DPP6: variants seen among roughly 807,000 people sequenced by gnomAD.
DPP6 encodes dipeptidyl peptidase like 6.
In DPP6, 69 loss-of-function variants were observed where a neutral mutation model predicts 122.6. That is an observed-to-expected ratio of 0.56 (90% CI 0.46 to 0.69). The LOEUF (loss-of-function observed/expected upper bound fraction) is 0.69, where lower values mean the gene tolerates loss of function less well. Among genes scored for constraint, DPP6 ranks in the 30% least tolerant of loss-of-function variants. The pLI is 0.00. For synonymous variants in DPP6, 418 were observed against 433.1 expected (o/e 0.97, Z 0.43); for missense variants, 928 against 1,116.9 (o/e 0.83, Z 2.41).
chr7:153,765,257 C>A, the DPP6 span, among the ~76,000 whole-genome samples: 4 of 152,078 alleles, frequency 2.6e-5, no homozygotes, highest in Non-Finnish European at 5.9e-5. Flanking sequence ...GGTGCCCGGG[C>A]CGGGTGTGGT....
chr7:153,751,592 T>C, the DPP6 span, among the ~76,000 whole-genome samples: 1 of 151,136 alleles, frequency 6.6e-6, no homozygotes, highest in African/African-American at 2.4e-5. Flanking sequence ...GAGCCACTGG[T>C]CCTGAGAGGA....
intron 4 of DPP6, 98 bp from the exon 5 acceptor site, chr7:154,566,744 T>C (rs1830776038): frequency 3.0e-6 from 2 of 675,460 alleles, no homozygotes; most frequent in Non-Finnish European, 5.1e-6. Flanking sequence ...TAATAGCTAA[T>C]TAATTTTGAA....
chr7:154,374,832 G>T lies in DPP6; in HGVS notation c.244-71382G>T, dbSNP rs906025750. On this transcript the variant is annotated intron_variant, in intron 1 of 25. Transcript: ENST00000377770. ...TCACCATGTTGGCCAGGCTGGTCTC[G>T]AACTCCTGAACTCAGGTGATCTGCC... Among the ~76,000 whole-genome samples, 3 of 151,968 alleles carry T rather than the reference G, an allele frequency of 2.0e-5. No homozygotes were observed. The South Asian group carries it at 6.2e-4, about 32-fold the overall frequency.
chr7:154,886,636 G>A (rs1400240160), intron 22 of DPP6, among the ~76,000 whole-genome samples: 1 of 152,180 alleles, frequency 6.6e-6, no homozygotes, highest in Non-Finnish European at 1.5e-5. Context: ...CCTAAGCAGC[G>A]CTGGCAAGTG....
chr7:154,073,190 G>C (rs921308116), intron 1 of DPP6, among the ~76,000 whole-genome samples: 37 of 152,240 alleles, frequency 2.4e-4, no homozygotes, highest in African/African-American at 8.7e-4. Context: ...TTCGTGCCCT[G>C]GGCGGCCTCT....
chr7:154,433,079 T>C (rs1355428191), intron 1 of DPP6, among the ~76,000 whole-genome samples: 1 of 151,354 alleles, frequency 6.6e-6, no homozygotes, highest in African/African-American at 2.4e-5. Flanking sequence ...AACTGACTTA[T>C]CCAGGTTACA....
chr7:154,378,912 C>T (rs1025930672), intron 1 of DPP6, among the ~76,000 whole-genome samples: 15 of 152,272 alleles, frequency 9.9e-5, no homozygotes, highest in African/African-American at 3.4e-4. Context: ...TGAAAACTCA[C>T]TCACTATCAC....
intron 16 of DPP6, among the ~76,000 whole-genome samples, chr7:154,827,795 G>T (rs1279045532): frequency 6.6e-6 from 1 of 151,042 alleles, no homozygotes; most frequent in Admixed American, 6.6e-5. Flanking sequence ...TGTCCTGTGG[G>T]GGGGTGTCAG....
chr7:154,885,532 G>A (rs1806073997), intron 21 of DPP6, 101 bp from the exon 22 acceptor site: 2 of 1,450,336 alleles, frequency 1.4e-6, no homozygotes, highest in Middle Eastern at 1.8e-4. Context: ...GAGAGAACCT[G>A]CATGGAACTG....
intron 8 of DPP6, among the ~76,000 whole-genome samples, chr7:154,736,478 C>G (rs1400851355): frequency 6.6e-6 from 1 of 151,998 alleles, no homozygotes; most frequent in Admixed American, 6.6e-5. Context: ...TCTTTTTTAC[C>G]AGCTATTAAA....
chr7:154,135,158 C>T (rs1795483447), intron 1 of DPP6, among the ~76,000 whole-genome samples: 2 of 152,178 alleles, frequency 1.3e-5, no homozygotes, highest in East Asian at 3.9e-4. Flanking sequence ...GTGTACACTT[C>T]CTGTGAGCAC....
intron 5 of DPP6, among the ~76,000 whole-genome samples, chr7:154,580,170 CACACAT>C (rs988546170): frequency 4.0e-5 from 6 of 149,232 alleles, no homozygotes; most frequent in Admixed American, 1.4e-4. Flanking sequence ...CACACACACA[CACACAT>C]GCACACATAC....
chr7:154,387,076 G>A (rs1014257957), intron 1 of DPP6, among the ~76,000 whole-genome samples: 8 of 152,146 alleles, frequency 5.3e-5, no homozygotes, highest in East Asian at 1.9e-4. Flanking sequence ...GGCAAGGGGC[G>A]AAAGAGTGTG....
At chr7:154,524,742 T>C (rs1827268117) in intron 3 of DPP6, among the ~76,000 whole-genome samples, 1 of 152,188 alleles carries the variant, frequency 6.6e-6, no homozygotes, top group East Asian at 1.9e-4. Flanking sequence ...GTCCTGTGTC[T>C]GAGCCTAGAG....
At chr7:154,568,919 C>G (rs192856596) in intron 5 of DPP6, among the ~76,000 whole-genome samples, 37 of 152,276 alleles carry the variant, frequency 2.4e-4, no homozygotes, top group Admixed American at 2.4e-3. Context: ...GTTTTCAGCA[C>G]TGAGCAGTTA....
chr7:153,953,953 G>A (rs1802338796), intron 1 of DPP6, among the ~76,000 whole-genome samples: 1 of 152,202 alleles, frequency 6.6e-6, no homozygotes, highest in South Asian at 2.1e-4. Context: ...TCTTGAGGCA[G>A]CACTCCTTCC....
chr7:154,078,711 G>A (rs1448292897), intron 1 of DPP6, among the ~76,000 whole-genome samples: 1 of 152,020 alleles, frequency 6.6e-6, no homozygotes, highest in Non-Finnish European at 1.5e-5. Flanking sequence ...AAAATAATGA[G>A]TGGTTGCCAT....
intron 5 of DPP6, among the ~76,000 whole-genome samples, chr7:154,589,537 TG>T (rs775999892): frequency 6.6e-6 from 1 of 152,252 alleles, no homozygotes; most frequent in African/African-American, 2.4e-5. Context: ...GTGACGGAAA[TG>T]GTCTACAGTT....
At chr7:153,951,513 C>A (rs1332292736) in intron 1 of DPP6, among the ~76,000 whole-genome samples, 1 of 152,132 alleles carries the variant, frequency 6.6e-6, no homozygotes, top group Non-Finnish European at 1.5e-5. Context: ...ATGGAGTGAC[C>A]CAGGTGTCGG....
Sources: allele counts gnomAD v4.1 joint callset (sites outside exome capture counted in the v4.1 genomes callset), GRCh38; gene constraint gnomAD v4.1.1; transcripts MANE v1.5; gene names NCBI Gene and HGNC (gene_info 2026-07-23, HGNC 2026-07-21).